Variants in TMF1 observed in about 807,000 individuals in gnomAD.
The protein encoded by TMF1 is TATA element modulatory factor 1.
Under a neutral mutation model 126.5 loss-of-function variants are expected in TMF1, and 71 were observed. The ratio of observed to expected loss-of-function variants is 0.56; its 90% CI spans 0.46 to 0.68. TMF1 has a LOEUF of 0.68. Among genes scored for constraint, TMF1 ranks in the 30% least tolerant of loss-of-function variants. The probability of loss-of-function intolerance (pLI) is 0.00; values close to 1 mark genes in which losing one functional copy is unlikely to be tolerated. For synonymous variants in TMF1, 461 were observed against 430.5 expected, an observed-to-expected ratio of 1.07 and a Z score of -0.88; for missense variants, 1,259 against 1,253.2, an observed-to-expected ratio of 1.00 and a Z score of -0.07.
rs2091720669 is a variant in TMF1 at position 69,019,969 on chromosome 3, A to G, written c.*3208T>C. The G allele has an allele frequency of 6.6e-6, 1 of 152,140 alleles. No homozygotes were observed. Among genetic ancestry groups the G allele is most frequent in the Non-Finnish European group, 1.5e-5 (1 of 68,006 alleles). 9.4% of individuals were successfully genotyped at this position (152,140 alleles called of 1,614,324 possible). On this transcript the variant is annotated 3_prime_UTR_variant, in exon 17 of 17. Coordinates refer to ENST00000398559, the MANE Select transcript of TMF1 (RefSeq NM_007114.3). ...GTGATTAAAGTTTTCATGGTTTAAA[A>G]TGGACCTAGAATATGGAAAATTGGA... is the stretch of plus-strand genomic sequence containing the variant.
rs544543511 is a variant in TMF1 at position 69,039,382 on chromosome 3, G to A, written c.1827+169C>T. 7.0e-4 allele frequency among the ~76,000 whole-genome samples: 107 copies of A among 152,294 alleles called. 1 individual carries two copies. Among genetic ancestry groups the A allele is most frequent in the African/African-American group, 2.3e-3 (97 of 41,570 alleles). ...CTCCGAAAGTGTTGGGATTACAGGC[G>A]TGAGCCACCCCACTCGGCTAAAAAA... On this transcript the variant is annotated intron_variant, in intron 6 of 16. Transcript: ENST00000398559.
chr3:69,021,443 T>C lies in TMF1; in HGVS notation c.*1734A>G, dbSNP rs937124333. ...TCAAGCTGACAAAAAGCTATTAGAC[T>C]ACTTTTTACTACTAAAATGAAGAAA... is the stretch of plus-strand genomic sequence containing the variant. On this transcript the variant is annotated 3_prime_UTR_variant, in exon 17 of 17. Coordinates refer to ENST00000398559, the MANE Select transcript of TMF1 (RefSeq NM_007114.3). The C allele has an allele frequency of 3.3e-5, 5 of 152,588 alleles. No individual in the cohort carries two copies. Among genetic ancestry groups the C allele is most frequent in the African/African-American group, 1.2e-4 (5 of 41,440 alleles). 9.5% of individuals were successfully genotyped at this position (152,588 alleles called of 1,614,324 possible).
chr3:69,048,110 T>G lies in TMF1; in HGVS notation c.595A>C (p.Ser199Arg), dbSNP rs779902483. The change falls in exon 2 of 17, where the codon AGT becomes CGT. Residue 199 changes from serine to arginine, a missense_variant. Coordinates refer to ENST00000398559, the MANE Select transcript of TMF1 (RefSeq NM_007114.3). ...ATAGTTGTTTTCACATCAATTACAC[T>G]TTCAGATACTTTCAAACTTACAGTT... Reference protein sequence around the residue: ...VPTVSLKVSESVIDVKTTMES... With the variant: ...VPTVSLKVSERVIDVKTTMES... 6.2e-7 allele frequency: 1 copy of G among 1,614,214 alleles called. No homozygotes were observed. The highest frequency in any genetic ancestry group is 8.5e-7 in the Non-Finnish European group (1 of 1,180,036).
Position 69,047,878 on chromosome 3 carries a change from C to T in TMF1, c.827G>A (p.Arg276Lys). 6.2e-7 allele frequency: 1 copy of T among 1,613,918 alleles called. No individual in the cohort carries two copies. The highest frequency in any genetic ancestry group is 1.3e-5 in the African/African-American group (1 of 75,032). Residue 276 changes from arginine (R) to lysine (K), a missense_variant, in exon 2 of 17, where the codon AGA becomes AAA. Arg to Lys is a conservative substitution (Grantham distance 26, BLOSUM62 2). Transcript: ENST00000398559. Reference sequence around the variant, plus strand: ...TGATTTTGAATCTGTAGTCTCTTGTCTCGAGCTCGCTGAGCTCTCACTTAT... The same window carrying T: ...TGATTTTGAATCTGTAGTCTCTTGTTTCGAGCTCGCTGAGCTCTCACTTAT... ...SVISESSASS[R>K]QETTDSKSSL...
chr3:69,027,155 C>A (rs2091773091), intron 13 of TMF1, among the ~76,000 whole-genome samples: 1 of 152,070 alleles, frequency 6.6e-6, no homozygotes, highest in African/African-American at 2.4e-5. Context: ...GCCACCATGC[C>A]CGGCTAATTT....
intron 12 of TMF1, 91 bp from the exon 13 acceptor site, chr3:69,028,083 C>T: frequency 9.0e-7 from 1 of 1,106,514 alleles, no homozygotes; most frequent in Non-Finnish European, 1.3e-6. Context: ...AAAGTATAAA[C>T]TCATATTTGT....
At chr3:69,031,865 A>C (rs1350908505) in intron 10 of TMF1, among the ~76,000 whole-genome samples, 1 of 152,224 alleles carries the variant, frequency 6.6e-6, no homozygotes, top group Non-Finnish European at 1.5e-5. Context: ...TGTAGACTTC[A>C]GTCTAAAAAC....
rs767336034 is a variant in TMF1, at chr3:69,028,239, G to A, written c.2651C>T (p.Thr884Met). 24 of 1,612,514 alleles carry A rather than the reference G, an allele frequency of 1.5e-5. No individual in the cohort carries two copies. The highest frequency in any genetic ancestry group is 4.0e-5 in the African/African-American group (3 of 74,928). ...KDEYVRTLEE[T>M]RKEKTLLNSQ... ...GAAGAGAAATACCTTTTCTTTCCTC[G>A]TCTCTTCAAGTGTTCTTACATATTC... The change falls in exon 12 of 17, where the codon ACG becomes ATG. Residue 884 changes from threonine (T) to methionine (M), a missense_variant. By Grantham distance (81) the Thr-to-Met change is moderately conservative. Transcript: ENST00000398559.
Position 69,028,010 on chromosome 3 carries a change from AG to A in TMF1, c.2665-19del, listed in dbSNP as rs766155275. 2.1e-4 allele frequency: 299 copies of A among 1,433,028 alleles called. 1 individual carries two copies. Among genetic ancestry groups the A allele is most frequent in the Non-Finnish European group, 2.7e-4 (277 of 1,024,546 alleles). 88.8% of individuals were successfully genotyped at this position (1,433,028 alleles called of 1,614,324 possible). A position where few individuals can be genotyped will look rare whatever the true frequency, so the allele number is the denominator to read the frequency against. ...AACAATGTCTAATAGAGAGAAATAA[AG>A]TTAGACAATTTCTGTGATAGTAATT... is the stretch of plus-strand genomic sequence containing the variant. On this transcript the variant is annotated intron_variant, in intron 12 of 16. Transcript: ENST00000398559.
chr3:69,037,091 C>T (rs2091836077), intron 8 of TMF1, among the ~76,000 whole-genome samples: 1 of 151,716 alleles, frequency 6.6e-6, no homozygotes, highest in African/African-American at 2.4e-5. Context: ...ACAAACCGCC[C>T]AATTTAAAAA....
At position 69,041,116 on chromosome 3, in the gene TMF1, C is replaced by T. The variant is rs143550872; in HGVS notation, c.1685-1423G>A. Among the ~76,000 whole-genome samples, 111 of 152,066 alleles carry T rather than the reference C, an allele frequency of 7.3e-4. No homozygotes were observed. The Middle Eastern group carries it at 0.017, about 23-fold the overall frequency. On this transcript the variant is annotated intron_variant, in intron 5 of 16. Coordinates refer to ENST00000398559, the MANE Select transcript of TMF1 (RefSeq NM_007114.3). ...TATTAAATTACAAAATAATAACATT[C>T]GATATTAATATTTCAAATAACTCTT... is the stretch of plus-strand genomic sequence containing the variant.
chr3:69,046,738 T>C (rs1184918574), intron 2 of TMF1, among the ~76,000 whole-genome samples: 2 of 152,196 alleles, frequency 1.3e-5, no homozygotes, highest in African/African-American at 4.8e-5. Flanking sequence ...AATGCTTTTG[T>C]TCCTTAGACA....
rs1480648011 is a variant in TMF1 at position 69,039,648 on chromosome 3, T to C, written c.1730A>G (p.Lys577Arg). ...KQQLHNSNIIKKLRAKDKENE... is the reference protein window; with the variant it reads ...KQQLHNSNIIRKLRAKDKENE... ...CTCCTTGTCTTTAGCTCTTAATTTCTTGATGATGTTAGAATTGTGCAGCTG... is the reference window on the plus strand; with the variant it reads ...CTCCTTGTCTTTAGCTCTTAATTTCCTGATGATGTTAGAATTGTGCAGCTG... Residue 577 changes from lysine (K) to arginine (R), a missense_variant, in exon 6 of 17, where the codon AAG (lysine) becomes AGG (arginine). Lys to Arg is a conservative substitution (Grantham distance 26). Transcript: ENST00000398559. 1.2e-6 allele frequency: 2 copies of C among 1,613,782 alleles called. No homozygotes were observed. Among genetic ancestry groups the C allele is most frequent in the South Asian group, 1.1e-5 (1 of 91,000 alleles).
At chr3:69,028,087 T>C in intron 12 of TMF1, 95 bp from the exon 13 acceptor site, 1 of 1,105,834 alleles carries the variant, frequency 9.0e-7, no homozygotes, top group South Asian at 1.4e-5. Context: ...TATAAACTCA[T>C]ATTTGTTTTC....
Position 69,033,589 on chromosome 3 carries a change from G to C in TMF1, c.2360C>G (p.Ser787Trp), listed in dbSNP as rs141161742. ...NLQATLGSQT[S>W]SWEKLEKNLS... ...ATTCTTCTCTAATTTCTCCCACGAC[G>C]ATGTCTGGGATCCCAGGGTTGCTTG... Residue 787 changes from serine to tryptophan, a missense_variant, in exon 10 of 17, where the codon TCG (serine) becomes TGG (tryptophan). By Grantham distance (177) the Ser-to-Trp change is radical. Coordinates refer to ENST00000398559, the MANE Select transcript of TMF1 (RefSeq NM_007114.3). 4 of 1,613,764 alleles carry C rather than the reference G, an allele frequency of 2.5e-6. No homozygotes were observed. The South Asian group carries it at 4.4e-5, about 18-fold the overall frequency.
At chr3:69,031,836 C>A (rs1288670455) in intron 10 of TMF1, among the ~76,000 whole-genome samples, 2 of 152,102 alleles carry the variant, frequency 1.3e-5, no homozygotes, top group Admixed American at 6.5e-5. Context: ...TAGCACAATA[C>A]CACATATTGC....
intron 8 of TMF1, 51 bp from the exon 9 acceptor site, chr3:69,035,166 T>C: frequency 7.0e-7 from 1 of 1,432,294 alleles, no homozygotes; most frequent in Non-Finnish European, 9.8e-7. Context: ...GTATTATCTA[T>C]AACTTCCCAC....
intron 8 of TMF1, 121 bp downstream of exon 8, chr3:69,038,443 G>A: frequency 6.3e-6 from 7 of 1,112,062 alleles, no homozygotes; most frequent in Non-Finnish European, 8.9e-6. Context: ...GCAGAATCCA[G>A]TACTCTGAAA....
At chr3:69,028,723 G>T (rs2091783149) in intron 11 of TMF1, among the ~76,000 whole-genome samples, 1 of 151,988 alleles carries the variant, frequency 6.6e-6, no homozygotes, top group South Asian at 2.1e-4. Flanking sequence ...AGAACAGAGG[G>T]TTAAAAAATA....
Sources: allele counts gnomAD v4.1 joint callset (sites outside exome capture counted in the v4.1 genomes callset), GRCh38; gene constraint gnomAD v4.1.1; transcripts MANE v1.5; gene names NCBI Gene and HGNC (gene_info 2026-07-23, HGNC 2026-07-21).